MCU: variants seen among roughly 807,000 people sequenced by gnomAD.
MCU encodes the protein calcium uniporter protein, mitochondrial.
In MCU, 12 loss-of-function variants were observed where a neutral mutation model predicts 45.2. The observed-to-expected ratio is 0.27, with a 90% CI of 0.17 to 0.43. The LOEUF is 0.43. Among genes scored for constraint, MCU ranks in the 20% least tolerant of loss-of-function variants. The pLI is 1.00. For synonymous variants in MCU, 160 were observed against 165.1 expected, an observed-to-expected ratio of 0.97 and a Z score of 0.24; for missense variants, 324 against 436.7, an observed-to-expected ratio of 0.74 and a Z score of 2.30.
intron 1 of MCU, among the ~76,000 whole-genome samples, chr10:72,735,754 A>G (rs532081449): frequency 3.3e-5 from 5 of 152,350 alleles, no homozygotes; most frequent in African/African-American, 9.6e-5. Context: ...TGGCAGGGAC[A>G]TTGTAGACTA....
In MCU at chr10:72,701,596, G is replaced by A. The variant is rs907394210; in HGVS notation, c.150+9295G>A. ...GGCTGGAGTGCAGTGGTGCGATCTC[G>A]GCTCACTGCAAGCTCCGCCTCCCAG... On this transcript the variant is annotated intron_variant, in intron 1 of 7. Coordinates refer to ENST00000373053, the MANE Select transcript of MCU (RefSeq NM_138357.3). 2.6e-5 allele frequency among the ~76,000 whole-genome samples: 4 copies of A among 152,000 alleles called. No homozygotes were observed. The East Asian group carries it at 5.8e-4, about 22-fold the overall frequency.
Position 72,884,261 on chromosome 10 carries a change from T to C in MCU, c.862-5T>C. ...ACTGATAATTCCGTTTCTTCATTTT[T>C]TTAGGAATATGTTTATCCAGAAGCC... On this transcript the variant is annotated splice_polypyrimidine_tract_variant and splice_region_variant and intron_variant, in intron 6 of 7. Coordinates refer to ENST00000373053, the MANE Select transcript of MCU (RefSeq NM_138357.3). 6.5e-7 allele frequency: 1 copy of C among 1,537,318 alleles called. No homozygotes were observed. The highest frequency in any genetic ancestry group is 9.0e-7 in the Non-Finnish European group (1 of 1,112,482).
chr10:72,700,436 C>A (rs542995448), intron 1 of MCU, among the ~76,000 whole-genome samples: 1 of 152,306 alleles, frequency 6.6e-6, no homozygotes, highest in South Asian at 2.1e-4. Flanking sequence ...TTGATAATAA[C>A]TGTTAAAAAA....
chr10:72,868,392 T>C (rs1197833827), intron 4 of MCU, among the ~76,000 whole-genome samples: 1 of 151,864 alleles, frequency 6.6e-6, no homozygotes, highest in African/African-American at 2.4e-5. Flanking sequence ...GTACAAAAAA[T>C]ACAAAAATTA....
At chr10:72,735,394 A>G (rs1232406867) in intron 1 of MCU, among the ~76,000 whole-genome samples, 1 of 152,076 alleles carries the variant, frequency 6.6e-6, no homozygotes, top group African/African-American at 2.4e-5. Flanking sequence ...TTGTAGATGG[A>G]TGTGATGTGG....
At chr10:72,832,673 A>G (rs1488784698) in intron 1 of MCU, among the ~76,000 whole-genome samples, 3 of 152,222 alleles carry the variant, frequency 2.0e-5, no homozygotes, top group Non-Finnish European at 4.4e-5. Flanking sequence ...GCTAATATTT[A>G]TTGAGAATTT....
At chr10:72,804,071 T>TATAA (rs1184112521) in intron 1 of MCU, among the ~76,000 whole-genome samples, 1 of 59,412 alleles carries the variant, frequency 1.7e-5, no homozygotes, top group African/African-American at 8.1e-5. Flanking sequence ...TATATATATA[T>TATAA]ATAAAATAAG....
intron 1 of MCU, among the ~76,000 whole-genome samples, chr10:72,733,699 A>ATT (rs1377685044): frequency 4.1e-5 from 4 of 98,588 alleles, no homozygotes; most frequent in Non-Finnish European, 5.9e-5. Context: ...ATATATATAT[A>ATT]TATATTTTTT....
intron 2 of MCU, among the ~76,000 whole-genome samples, chr10:72,836,332 T>A (rs955625515): frequency 6.6e-6 from 1 of 152,192 alleles, no homozygotes; most frequent in Non-Finnish European, 1.5e-5. Context: ...CATTGGTGGT[T>A]ATGATATTTA....
intron 1 of MCU, among the ~76,000 whole-genome samples, chr10:72,727,359 C>G (rs1310761563): frequency 6.6e-6 from 1 of 152,228 alleles, no homozygotes; most frequent in Admixed American, 6.5e-5. Flanking sequence ...TCTTGCTCAT[C>G]TTGCATGTCT....
chr10:72,868,394 C>A (rs913353234), intron 4 of MCU, among the ~76,000 whole-genome samples: 2 of 152,014 alleles, frequency 1.3e-5, no homozygotes, highest in South Asian at 2.1e-4. Context: ...ACAAAAAATA[C>A]AAAAATTAGC....
At chr10:72,749,111 T>C (rs1358051986) in intron 1 of MCU, among the ~76,000 whole-genome samples, 4 of 151,542 alleles carry the variant, frequency 2.6e-5, no homozygotes, top group Non-Finnish European at 4.4e-5. Context: ...CTCCCAATAA[T>C]TGAAAAAAAA....
chr10:72,879,343 T>A (rs1379886868), intron 6 of MCU, among the ~76,000 whole-genome samples: 1 of 152,066 alleles, frequency 6.6e-6, no homozygotes, highest in Non-Finnish European at 1.5e-5. Flanking sequence ...AATGGAAAAA[T>A]CTTAAAAGCA....
chr10:72,723,858 C>T (rs917625047), intron 1 of MCU, among the ~76,000 whole-genome samples: 1 of 152,232 alleles, frequency 6.6e-6, no homozygotes, highest in Non-Finnish European at 1.5e-5. Context: ...TTACCGCCCT[C>T]ACCATGTTCT....
intron 1 of MCU, among the ~76,000 whole-genome samples, chr10:72,738,143 T>C (rs991979590): frequency 1.3e-5 from 2 of 152,210 alleles, no homozygotes; most frequent in Non-Finnish European, 2.9e-5. Flanking sequence ...TTTCAAATTC[T>C]GTAAATATAA....
At chr10:72,714,057 C>T (rs1319891549) in intron 1 of MCU, among the ~76,000 whole-genome samples, 2 of 151,416 alleles carry the variant, frequency 1.3e-5, no homozygotes, top group Non-Finnish European at 2.9e-5. Flanking sequence ...ACCTCCGCAT[C>T]CCTGGTTCAA....
chr10:72,860,392 C>A, intron 3 of MCU, 31 bp from the exon 4 acceptor site: 1 of 1,555,672 alleles, frequency 6.4e-7, no homozygotes, highest in Non-Finnish European at 8.9e-7. Flanking sequence ...AATTATGGAC[C>A]TATGACAAGT....
chr10:72,692,145 T>C lies in MCU; in HGVS notation c.-7T>C. 1.5e-6 allele frequency: 2 copies of C among 1,291,590 alleles called. No homozygotes were observed. The highest frequency in any genetic ancestry group is 2.0e-6 in the Non-Finnish European group (2 of 1,012,566). The allele number at this position is 1,291,590 out of a possible 1,614,324, so 80.0% of individuals were successfully genotyped here. A position where few individuals can be genotyped will look rare whatever the true frequency, so the allele number is the denominator to read the frequency against. On this transcript the variant is annotated 5_prime_UTR_variant, in exon 1 of 8. Coordinates refer to ENST00000373053, the MANE Select transcript of MCU (RefSeq NM_138357.3). The stretch of plus-strand genomic sequence containing the variant: ...CTGCCTGGGTCGGCGCCGTTTCCAG[T>C]TGAGAGATGGCGGCCGCCGCAGGTA...
At chr10:72,764,693 T>G (rs1843700616) in intron 1 of MCU, among the ~76,000 whole-genome samples, 1 of 152,168 alleles carries the variant, frequency 6.6e-6, no homozygotes, top group Admixed American at 6.6e-5. Context: ...GGGTTATAAT[T>G]TTAATATTTC....
Sources: allele counts gnomAD v4.1 joint callset (sites outside exome capture counted in the v4.1 genomes callset), GRCh38; gene constraint gnomAD v4.1.1; transcripts MANE v1.5; gene names NCBI Gene and HGNC (gene_info 2026-07-23, HGNC 2026-07-21).